Variants in DSP observed in about 807,000 individuals in gnomAD.
The protein encoded by DSP is desmoplakin.
A neutral mutation model predicts 290.6 loss-of-function variants in DSP; 114 were observed. That is an observed-to-expected ratio of 0.39 (90% confidence interval 0.34 to 0.46). The LOEUF (loss-of-function observed/expected upper bound fraction) is 0.46. Ranked by LOEUF, DSP falls within the 20% of genes least tolerant of loss-of-function variation. DSP has a pLI of 0.99. For synonymous variants in DSP, 1,311 were observed against 1,316.4 expected (o/e 1.00, Z 0.09); for missense variants, 3,230 against 3,495.8 (o/e 0.92, Z 1.92).
In DSP at chr6:7,543,869, A is replaced by G. The variant is rs557076401; in HGVS notation, c.170+1784A>G. 3.9e-5 allele frequency among the ~76,000 whole-genome samples: 6 copies of G among 152,274 alleles called. No individual in the cohort carries two copies. The East Asian group carries it at 9.6e-4, about 24-fold the overall frequency. On this transcript the variant is annotated intron_variant, in intron 1 of 23. Coordinates refer to ENST00000379802, the MANE Select transcript of DSP (RefSeq NM_004415.4). ...AAAACTTTAATAAATTAAGTGGTTA[A>G]TGAACTGCATCAAGGTACATGTTTT... is the stretch of plus-strand genomic sequence containing the variant.
intron 10 of DSP, 32 bp from the exon 11 acceptor site, chr6:7,568,405 A>G (rs956722793): frequency 1.9e-6 from 3 of 1,612,674 alleles, no homozygotes; most frequent in African/African-American, 1.3e-5. Context: ...CAGGGTATCT[A>G]TGTTTAAGTA....
In DSP at chr6:7,577,321, G is replaced by GTGTT. The variant is rs75247317; in HGVS notation, c.2877+302_2877+305dup. Among the ~76,000 whole-genome samples the GTGTT allele has an allele frequency of 6.6e-3, 1,001 of 151,942 alleles. 4 individuals are homozygous for GTGTT. Among genetic ancestry groups the GTGTT allele is most frequent in the Non-Finnish European group, 7.7e-3 (523 of 67,924 alleles). On this transcript the variant is annotated intron_variant, in intron 20 of 23. Transcript: ENST00000379802. ...AGATGTACTGCTTGGTTTAATAATG[G>GTGTT]TGTTTGTTTGTTTGTTTGTTTGTTT...
chr6:7,581,007 A>G lies in DSP; in HGVS notation c.4817A>G (p.Lys1606Arg). The G allele has an allele frequency of 6.2e-7, 1 of 1,614,064 alleles. No individual in the cohort carries two copies. Among genetic ancestry groups the G allele is most frequent in the Non-Finnish European group, 8.5e-7 (1 of 1,180,028 alleles). ...EELEGMRRSLKEQAIKITNLT... is the reference protein window; with the variant it reads ...EELEGMRRSLREQAIKITNLT... The stretch of plus-strand genomic sequence containing the variant: ...CTGGAAGGCATGAGGAGGTCGCTGA[A>G]GGAGCAAGCCATCAAAATCACCAAC... The change falls in exon 23 of 24, where the codon AAG becomes AGG. Residue 1606 changes from lysine to arginine, a missense_variant. By Grantham distance (26) the Lys-to-Arg change is conservative. Coordinates refer to ENST00000379802, the MANE Select transcript of DSP (RefSeq NM_004415.4).
chr6:7,581,288 A>G lies in DSP; in HGVS notation c.5098A>G (p.Lys1700Glu). The G allele has an allele frequency of 6.2e-7, 1 of 1,614,190 alleles. No individual in the cohort carries two copies. The highest frequency in any genetic ancestry group is 1.7e-5 in the Admixed American group (1 of 60,034). ...TAAAAGCAGAAGCTTAAATGAAAGC[A>G]AAATAGAAATTGAGAGGCTGCAGTC... ...EDKSRSLNESKIEIERLQSLT... is the reference protein window; with the variant it reads ...EDKSRSLNESEIEIERLQSLT... The change falls in exon 23 of 24, where the codon AAA (lysine) becomes GAA (glutamate). Residue 1700 changes from lysine to glutamate, a missense_variant. Physicochemically the swap from Lys to Glu is moderately conservative, Grantham distance 56. Transcript: ENST00000379802.
At chr6:7,551,731 T>TGTCA (rs1758348172) in intron 1 of DSP, among the ~76,000 whole-genome samples, 5 of 152,212 alleles carry the variant, frequency 3.3e-5, no homozygotes, top group African/African-American at 1.2e-4. Context: ...GACATCAGAC[T>TGTCA]GACCCGATGG....
At chr6:7,572,776 GTTAGGCGA>G (rs1166988977) in intron 15 of DSP, among the ~76,000 whole-genome samples, 8 of 152,118 alleles carry the variant, frequency 5.3e-5, no homozygotes, top group Non-Finnish European at 1.2e-4. Context: ...GAAATGCATG[GTTAGGCGA>G]TTTTGTCATG....
intron 10 of DSP, among the ~76,000 whole-genome samples, chr6:7,568,230 C>T (rs1758922224): frequency 6.6e-6 from 1 of 152,196 alleles, no homozygotes; most frequent in Non-Finnish European, 1.5e-5. Flanking sequence ...TTCTTCCCTG[C>T]CCACTTAATT....
intron 10 of DSP, 94 bp from the exon 11 acceptor site, chr6:7,568,343 A>G (rs1023862166): frequency 4.4e-6 from 6 of 1,367,842 alleles, no homozygotes; most frequent in Admixed American, 1.7e-5. Context: ...AGTGATACTC[A>G]GTGTGTCATG....
Position 7,585,219 on chromosome 6 carries a change from G to A in DSP, c.7957G>A (p.Ala2653Thr). ...DSITGQRLLE[A>T]QACTGGIIHP... ...CATCACGGGTCAGAGGCTTCTGGAG[G>A]CTCAGGCCTGCACAGGTGGCATCAT... Residue 2653 changes from alanine (A) to threonine (T), a missense_variant, in exon 24 of 24, where the codon GCT becomes ACT. Physicochemically the swap from Ala to Thr is moderately conservative, Grantham distance 58. Around this residue, in one of 5 missense-constraint regions of DSP, gnomAD observed 582 missense variants for 555.4 expected, o/e 1.05. Transcript: ENST00000379802. The A allele has an allele frequency of 6.2e-7, 1 of 1,614,134 alleles. No individual in the cohort carries two copies. The highest frequency in any genetic ancestry group is 8.5e-7 in the Non-Finnish European group (1 of 1,180,034).
At chr6:7,542,981 C>T (rs1275647617) in intron 1 of DSP, among the ~76,000 whole-genome samples, 1 of 152,272 alleles carries the variant, frequency 6.6e-6, no homozygotes, top group African/African-American at 2.4e-5. Context: ...CCGCCCTGGC[C>T]TAGGCGCCCC....
chr6:7,579,361 C>T lies in DSP; in HGVS notation c.3171C>T (p.Phe1057=). Residue 1057 remains phenylalanine (F), a synonymous_variant, in exon 23 of 24, where the codon TTC becomes TTT. Transcript: ENST00000379802. The surrounding 1 kb of genome is among the most constrained non-coding windows in gnomAD (Gnocchi z 4.1). Reference sequence around the variant, plus strand: ...CGGAAAACTGTAATAAGAACAAATTCCTGGATCAGAACCTGCAGAAATACC... The same window carrying T: ...CGGAAAACTGTAATAAGAACAAATTTCTGGATCAGAACCTGCAGAAATACC... ...ANSENCNKNK[F]LDQNLQKYQA... is the part of the protein sequence containing the mutation. 3 of 1,614,128 alleles carry T rather than the reference C, an allele frequency of 1.9e-6. No individual in the cohort carries two copies. Among genetic ancestry groups the T allele is most frequent in the Non-Finnish European group, 2.5e-6 (3 of 1,180,018 alleles).
rs1759465749 is a variant in DSP at position 7,582,375 on chromosome 6, G to GT, written c.5380-266dup. ...TTTCAAAGCATAATTATTGTTAAGAGTAAGACAGGTCTGCAACTTACAGTT... is the reference window on the plus strand; with the variant it reads ...TTTCAAAGCATAATTATTGTTAAGAGTTAAGACAGGTCTGCAACTTACAGTT... On this transcript the variant is annotated intron_variant, in intron 23 of 23. Transcript: ENST00000379802. The surrounding 1 kb of genome is among the most constrained non-coding windows in gnomAD (Gnocchi z 4.2). Among the ~76,000 whole-genome samples the GT allele has an allele frequency of 6.6e-6, 1 of 151,600 alleles. No homozygotes were observed. Among genetic ancestry groups the GT allele is most frequent in the South Asian group, 2.1e-4 (1 of 4,818 alleles).
At chr6:7,572,670 T>C (rs1759091260) in intron 15 of DSP, among the ~76,000 whole-genome samples, 1 of 152,220 alleles carries the variant, frequency 6.6e-6, no homozygotes, top group Non-Finnish European at 1.5e-5. Context: ...GATCATAAGA[T>C]TCACACAGCT....
intron 1 of DSP, among the ~76,000 whole-genome samples, chr6:7,545,518 C>T (rs184392886): frequency 2.6e-5 from 4 of 152,336 alleles, no homozygotes; most frequent in Non-Finnish European, 5.9e-5. Flanking sequence ...ATGCAAGTAT[C>T]TCAAATTCCA....
At chr6:7,559,860 T>C (rs1318225814) in intron 4 of DSP, among the ~76,000 whole-genome samples, 2 of 152,158 alleles carry the variant, frequency 1.3e-5, no homozygotes, top group African/African-American at 4.8e-5. Flanking sequence ...CTGGAAACAG[T>C]GAAACTAGCC....
rs113378925 is a variant in DSP, at chr6:7,569,329, C to A, written c.1563C>A (p.Asp521Glu). The change falls in exon 12 of 24, where the codon GAC becomes GAA. Residue 521 changes from aspartate (D) to glutamate (E), a missense_variant. Physicochemically the swap from Asp to Glu is conservative, Grantham distance 45. Transcript: ENST00000379802. The stretch of plus-strand genomic sequence containing the variant: ...CTCCTCCGAACCCACTGGCCGTGGA[C>A]CTCTCTTGCAAGTAAGTCATCCAAG... Reference protein sequence around the residue: ...IIPPPNPLAVDLSCKIEQYYE... With the variant: ...IIPPPNPLAVELSCKIEQYYE... The A allele has an allele frequency of 6.2e-7, 1 of 1,614,180 alleles. No individual in the cohort carries two copies. The highest frequency in any genetic ancestry group is 1.1e-5 in the South Asian group (1 of 91,082).
At position 7,552,512 on chromosome 6, in the gene DSP, G is replaced by A. The variant is rs570571283; in HGVS notation, c.171-3206G>A. On this transcript the variant is annotated intron_variant, in intron 1 of 23. Coordinates refer to ENST00000379802, the MANE Select transcript of DSP (RefSeq NM_004415.4). ...CAGGAAGTGGAGGTTGCAGTGAGCC[G>A]AGATCATGCCACTGCACTCCAGCCT... Among the ~76,000 whole-genome samples, 17 of 147,520 alleles carry A rather than the reference G, an allele frequency of 1.2e-4. No individual in the cohort carries two copies. In the South Asian group the frequency reaches 2.8e-3, roughly 24 times the overall value.
chr6:7,559,023 A>G (rs1025845395), intron 3 of DSP, among the ~76,000 whole-genome samples: 7 of 152,148 alleles, frequency 4.6e-5, no homozygotes, highest in Admixed American at 3.3e-4. Context: ...GCTGTTACGC[A>G]CTTTGAACCT....
At chr6:7,549,879 T>C (rs1018050174) in intron 1 of DSP, among the ~76,000 whole-genome samples, 1 of 152,186 alleles carries the variant, frequency 6.6e-6, no homozygotes, top group Non-Finnish European at 1.5e-5. Context: ...ATGAGCAACA[T>C]AGTTATTATA....
Sources: allele counts gnomAD v4.1 joint callset (sites outside exome capture counted in the v4.1 genomes callset), GRCh38; gene constraint gnomAD v4.1.1; regional missense constraint gnomAD v4.1.1; non-coding constraint Gnocchi (gnomAD v3.1); transcripts MANE v1.5; gene names NCBI Gene and HGNC (gene_info 2026-07-23, HGNC 2026-07-21).